The following LPAR1 variants were observed in gnomAD, a reference collection of about 807,000 sequenced individuals.
LPAR1 encodes the protein lysophosphatidic acid receptor 1.
In LPAR1, 5 loss-of-function variants were observed where a neutral mutation model predicts 23.8. The observed-to-expected ratio is 0.21, with a 90% CI of 0.11 to 0.44. The LOEUF (loss-of-function observed/expected upper bound fraction) is 0.44. Among genes scored for constraint, LPAR1 ranks in the 20% least tolerant of loss-of-function variants. The pLI, the probability that LPAR1 is intolerant of heterozygous loss-of-function variation, is 0.99. For synonymous variants in LPAR1, 160 were observed against 164.7 expected, an observed-to-expected ratio of 0.97 and a Z score of 0.22; for missense variants, 311 against 482.8, an observed-to-expected ratio of 0.64 and a Z score of 3.33.
At chr9:111,020,945 C>G (rs1283981919) in intron 2 of LPAR1, among the ~76,000 whole-genome samples, 1 of 152,156 alleles carries the variant, frequency 6.6e-6, no homozygotes, top group African/African-American at 2.4e-5. Flanking sequence ...CAGCAGAGTT[C>G]AGACAAACAG....
chr9:110,930,047 G>A (rs1347647780), intron 5 of LPAR1, among the ~76,000 whole-genome samples: 1 of 152,114 alleles, frequency 6.6e-6, no homozygotes, highest in Non-Finnish European at 1.5e-5. Flanking sequence ...AAGACATTCT[G>A]AAACCTCAAC....
intron 2 of LPAR1, among the ~76,000 whole-genome samples, chr9:110,988,304 C>T (rs1003240034): frequency 1.3e-5 from 2 of 151,252 alleles, no homozygotes; most frequent in Non-Finnish European, 2.9e-5. Flanking sequence ...ATGAAGGATA[C>T]CAAAAATATT....
intron 5 of LPAR1, among the ~76,000 whole-genome samples, chr9:110,928,581 G>A (rs529681393): frequency 9.2e-5 from 14 of 152,226 alleles, no homozygotes; most frequent in South Asian, 6.2e-4. Context: ...AATCTCTACC[G>A]TCTGATCGTT....
At chr9:110,891,146 T>C (rs2133203162) in intron 5 of LPAR1, among the ~76,000 whole-genome samples, 1 of 152,260 alleles carries the variant, frequency 6.6e-6, no homozygotes, top group East Asian at 1.9e-4. Context: ...ATAGAAAAAC[T>C]AAAATACCTG....
intron 2 of LPAR1, among the ~76,000 whole-genome samples, chr9:111,028,618 C>CTTTT (rs57371925): frequency 1.4e-5 from 2 of 145,980 alleles, no homozygotes; most frequent in South Asian, 2.2e-4. Context: ...TAGAAAAAGA[C>CTTTT]TTTTTTTTTT....
At chr9:110,918,110 G>A (rs1209461686) in intron 5 of LPAR1, among the ~76,000 whole-genome samples, 1 of 151,954 alleles carries the variant, frequency 6.6e-6, no homozygotes, top group Non-Finnish European at 1.5e-5. Context: ...TTGTAGAGAT[G>A]GGGTTTTTCC....
intron 5 of LPAR1, among the ~76,000 whole-genome samples, chr9:110,935,285 A>ATC (rs1000323981): frequency 6.6e-6 from 1 of 152,128 alleles, no homozygotes; most frequent in Non-Finnish European, 1.5e-5. Context: ...GGAGCTAACT[A>ATC]AGACCTGAAG....
At chr9:110,977,373 T>C (rs1588647680) in intron 2 of LPAR1, among the ~76,000 whole-genome samples, 1 of 152,074 alleles carries the variant, frequency 6.6e-6, no homozygotes, top group Non-Finnish European at 1.5e-5. Context: ...AAAAAGACAC[T>C]CCCAGCTGGC....
chr9:110,991,597 GTTGTT>G (rs2096895696), intron 2 of LPAR1, among the ~76,000 whole-genome samples: 1 of 151,818 alleles, frequency 6.6e-6, no homozygotes, highest in African/African-American at 2.4e-5. Flanking sequence ...TGTTGTTGTT[GTTGTT>G]GTTGTTGTTG....
At chr9:110,957,160 G>C (rs563956828) in intron 4 of LPAR1, among the ~76,000 whole-genome samples, 1 of 151,690 alleles carries the variant, frequency 6.6e-6, no homozygotes, top group Admixed American at 6.6e-5. Flanking sequence ...TTGAGCCCAG[G>C]AGTTCAAGAC....
At chr9:110,989,629 C>T (rs2160136) in intron 2 of LPAR1, among the ~76,000 whole-genome samples, 108,738 of 152,004 alleles carry the variant, frequency 0.72, 39,637 homozygotes, top group African/African-American at 0.82. Context: ...TTATGGCTAA[C>T]AATCCAACAA....
intron 4 of LPAR1, among the ~76,000 whole-genome samples, chr9:110,970,666 T>A (rs1037580964): frequency 6.6e-6 from 1 of 152,034 alleles, no homozygotes; most frequent in African/African-American, 2.4e-5. Flanking sequence ...TTGTTCTCCT[T>A]TTTCCCTCTC....
intron 5 of LPAR1, among the ~76,000 whole-genome samples, chr9:110,893,424 A>G (rs907173979): frequency 3.3e-5 from 5 of 152,214 alleles, no homozygotes; most frequent in South Asian, 2.1e-4. Flanking sequence ...ATTTACCCAC[A>G]TGGGAAGATA....
intron 5 of LPAR1, among the ~76,000 whole-genome samples, chr9:110,933,582 A>G (rs773921416): frequency 3.9e-5 from 6 of 152,160 alleles, no homozygotes; most frequent in Non-Finnish European, 8.8e-5. Flanking sequence ...TGTGAACTTC[A>G]AACTCTGGCC....
chr9:110,938,568 G>A (rs573567930), intron 5 of LPAR1, among the ~76,000 whole-genome samples: 3 of 151,942 alleles, frequency 2.0e-5, no homozygotes, highest in Non-Finnish European at 4.4e-5. Flanking sequence ...CATTAAGAGT[G>A]GGGGCCCAGG....
intron 2 of LPAR1, among the ~76,000 whole-genome samples, chr9:110,983,632 G>C (rs2096719802): frequency 6.6e-6 from 1 of 151,720 alleles, no homozygotes; most frequent in South Asian, 2.1e-4. Context: ...TGGTTAAGAG[G>C]GTAAATTTTA....
chr9:110,901,555 T>C (rs535398633), intron 5 of LPAR1, among the ~76,000 whole-genome samples: 5 of 152,218 alleles, frequency 3.3e-5, no homozygotes, highest in Middle Eastern at 3.4e-3. Flanking sequence ...TGCAGGGGAA[T>C]TGCCCTTTAT....
chr9:110,876,107 G>T (rs141210200), intron 5 of LPAR1, among the ~76,000 whole-genome samples: 225 of 152,276 alleles, frequency 1.5e-3, no homozygotes, highest in Middle Eastern at 3.4e-3. Context: ...AATGATAAGT[G>T]TCCTTTAATG....
Position 110,875,660 on chromosome 9 carries a change from G to A in LPAR1, c.856C>T (p.Gln286Ter). 6.2e-7 allele frequency: 1 copy of A among 1,614,026 alleles called. No individual in the cohort carries two copies. Among genetic ancestry groups the A allele is most frequent in the Non-Finnish European group, 8.5e-7 (1 of 1,179,912 alleles). ...VLLLLDVCCP[Q>*]CDVLAYEKFF... is the part of the protein sequence containing the mutation. ...TTCTCATAGGCCAGCACGTCGCACTGTGGACAGCACACGTCTAGAAGTAAC... is the reference window on the plus strand; with the variant it reads ...TTCTCATAGGCCAGCACGTCGCACTATGGACAGCACACGTCTAGAAGTAAC... The change falls in exon 6 of 6, where the codon CAG (glutamine) becomes TAG (stop). Residue 286 changes from glutamine (Q) to a stop codon, truncating the protein, a stop_gained. Coordinates refer to ENST00000683809, the MANE Select transcript of LPAR1 (RefSeq NM_001351411.2). LOFTEE classifies it high-confidence loss of function.
Sources: gnomAD v4.1 joint callset for allele counts (sites outside exome capture counted in the v4.1 genomes callset) on GRCh38, gnomAD v4.1.1 for gene constraint, MANE v1.5 for transcripts, NCBI Gene and HGNC (gene_info 2026-07-23, HGNC 2026-07-21) for gene names.